TRIOBP: variants seen among roughly 807,000 people sequenced by gnomAD.
TRIOBP encodes TRIO and F-actin-binding protein.
TRIOBP carries 169 observed loss-of-function variants against 238.8 expected under a neutral mutation model. That is an observed-to-expected ratio of 0.71 (90% CI 0.62 to 0.80). TRIOBP has a LOEUF of 0.80. Among genes scored for constraint, TRIOBP ranks in the 30% least tolerant of loss-of-function variants. TRIOBP has a pLI of 0.00. For synonymous variants in TRIOBP, 1,150 were observed against 1,274.4 expected (o/e 0.90, Z 2.08); for missense variants, 2,838 against 3,122.6 (o/e 0.91, Z 2.17).
intron 5 of TRIOBP, among the ~76,000 whole-genome samples, chr22:37,713,941 T>A (rs1923386995): frequency 6.6e-6 from 1 of 152,140 alleles, no homozygotes; most frequent in Admixed American, 6.6e-5. Flanking sequence ...GACAGGCTTG[T>A]CCCAGGAGAC....
chr22:37,757,542 C>T (rs904424726), intron 15 of TRIOBP, 71 bp from the exon 16 acceptor site: 42 of 1,531,800 alleles, frequency 2.7e-5, no homozygotes, highest in Middle Eastern at 3.3e-4. Flanking sequence ...ACACAGGTGT[C>T]GCTCCAAAAG....
Position 37,701,245 on chromosome 22 carries a change from TG to T in TRIOBP, c.-60-57del, listed in dbSNP as rs773947093. ...GTCTGGAAACTGGGGCAACTGGGGC[TG>T]GGGTTCAGGTGAGTGGCCAGCCAGT... is the stretch of plus-strand genomic sequence containing the variant. On this transcript the variant is annotated intron_variant, in intron 2 of 23. Coordinates refer to ENST00000644935, the MANE Select transcript of TRIOBP (RefSeq NM_001039141.3). 5.5e-5 allele frequency: 42 copies of T among 756,790 alleles called. No homozygotes were observed. In the Middle Eastern group the frequency reaches 8.0e-4, roughly 14 times the overall value. 46.9% of individuals were successfully genotyped at this position (756,790 alleles called of 1,614,324 possible). A position where few individuals can be genotyped will look rare whatever the true frequency, so the allele number is the denominator to read the frequency against.
At chr22:37,732,740 G>T (rs760888031) in intron 7 of TRIOBP, among the ~76,000 whole-genome samples, 5 of 152,206 alleles carry the variant, frequency 3.3e-5, no homozygotes, top group Admixed American at 6.5e-5. Context: ...AAGGCAGAAA[G>T]AATGGAACAC....
chr22:37,720,714 T>G (rs555160029), intron 6 of TRIOBP, among the ~76,000 whole-genome samples: 1 of 152,268 alleles, frequency 6.6e-6, no homozygotes, highest in Admixed American at 6.5e-5. Flanking sequence ...GGGCTCACTA[T>G]GTTGCCCAGG....
intron 17 of TRIOBP, among the ~76,000 whole-genome samples, chr22:37,761,154 A>T (rs1053770986): frequency 6.6e-6 from 1 of 151,998 alleles, no homozygotes; most frequent in African/African-American, 2.4e-5. Flanking sequence ...CTGAGCTAAT[A>T]GTTAGAAGCT....
chr22:37,765,891 G>C, intron 18 of TRIOBP, 74 bp downstream of exon 18: 1 of 1,499,018 alleles, frequency 6.7e-7, no homozygotes, highest in Non-Finnish European at 8.9e-7. Context: ...GCCAAACTGG[G>C]GAGGATTTTA....
In TRIOBP at chr22:37,724,882, G is replaced by A; in HGVS notation, c.2326G>A (p.Asp776Asn). 2 of 1,602,408 alleles carry A rather than the reference G, an allele frequency of 1.2e-6. No homozygotes were observed. The highest frequency in any genetic ancestry group is 1.7e-6 in the Non-Finnish European group (2 of 1,177,614). The change falls in exon 7 of 24, where the codon GAC becomes AAC. Residue 776 changes from aspartate (D) to asparagine (N), a missense_variant. This residue lies in a region of TRIOBP where 2,096 missense variants were observed against 2,137.4 expected (regional missense o/e 0.98). Transcript: ENST00000644935. ...CCTCAGAACATCCTGTACCCGACAGGACAATCCCAGGACCTCCTCTCCCAA... is the reference window on the plus strand; with the variant it reads ...CCTCAGAACATCCTGTACCCGACAGAACAATCCCAGGACCTCCTCTCCCAA... Reference protein sequence around the residue: ...ENLRTSCTRQDNPRTSSPNRA... With the variant: ...ENLRTSCTRQNNPRTSSPNRA...
chr22:37,709,086 A>G (rs1308441311), intron 3 of TRIOBP, among the ~76,000 whole-genome samples: 1 of 152,168 alleles, frequency 6.6e-6, no homozygotes, highest in African/African-American at 2.4e-5. Context: ...TCTGATCAGA[A>G]TCTGGCTGCA....
intron 19 of TRIOBP, among the ~76,000 whole-genome samples, chr22:37,768,390 C>T (rs760186849): frequency 2.6e-5 from 4 of 152,208 alleles, no homozygotes; most frequent in Non-Finnish European, 5.9e-5. Context: ...CTTGGCTGGT[C>T]CCAGCCTCCA....
chr22:37,744,112 G>A (rs1925098558), intron 11 of TRIOBP, among the ~76,000 whole-genome samples: 2 of 150,610 alleles, frequency 1.3e-5, no homozygotes, highest in Non-Finnish European at 3.0e-5. Flanking sequence ...AGGTTCCAGC[G>A]ATTCTCCTGC....
chr22:37,769,058 G>A lies in TRIOBP; in HGVS notation c.6606G>A (p.Leu2202=), dbSNP rs775526479. 3 of 1,613,580 alleles carry A rather than the reference G, an allele frequency of 1.9e-6. No individual in the cohort carries two copies. The South Asian group carries it at 3.3e-5, about 18-fold the overall frequency. Reference sequence around the variant, plus strand: ...ATGTGGAGGCACTGAAGCGAGAGCTGCAGGTGCTATCGGAGCAGTACTCGC... The same window carrying A: ...ATGTGGAGGCACTGAAGCGAGAGCTACAGGTGCTATCGGAGCAGTACTCGC... ...QSDVEALKRE[L]QVLSEQYSQK... is the part of the protein sequence containing the mutation. The change falls in exon 20 of 24, where the codon CTG becomes CTA. Residue 2202 remains leucine (L), a synonymous_variant. Coordinates refer to ENST00000644935, the MANE Select transcript of TRIOBP (RefSeq NM_001039141.3).
intron 13 of TRIOBP, 31 bp downstream of exon 13, chr22:37,755,015 G>A (rs190839604): frequency 3.7e-6 from 6 of 1,611,834 alleles, no homozygotes; most frequent in South Asian, 1.1e-5. Flanking sequence ...ATGAACCCCC[G>A]GAAGGGCCTG....
intron 17 of TRIOBP, among the ~76,000 whole-genome samples, chr22:37,764,095 A>T (rs1378685659): frequency 3.9e-5 from 6 of 152,088 alleles, no homozygotes; most frequent in African/African-American, 1.4e-4. Flanking sequence ...GACCCTTGTG[A>T]TTACACTGGG....
chr22:37,766,786 C>A (rs1020727349), intron 18 of TRIOBP, among the ~76,000 whole-genome samples: 1 of 151,688 alleles, frequency 6.6e-6, no homozygotes, highest in Non-Finnish European at 1.5e-5. Flanking sequence ...CATGGTGAAA[C>A]CCCATCTCTA....
In TRIOBP at chr22:37,769,131, G is replaced by A. The variant is rs762490157; in HGVS notation, c.6679G>A (p.Glu2227Lys). The A allele has an allele frequency of 1.3e-5, 21 of 1,612,886 alleles. No homozygotes were observed. In the East Asian group the frequency reaches 1.3e-4, roughly 10 times the overall value. Residue 2227 changes from glutamate (E) to lysine (K), a missense_variant, in exon 20 of 24, where the codon GAG becomes AAG. Physicochemically the swap from Glu to Lys is moderately conservative, Grantham distance 56 (BLOSUM62 1). This residue lies in a region of TRIOBP where 2,096 missense variants were observed against 2,137.4 expected (regional missense o/e 0.98). Coordinates refer to ENST00000644935, the MANE Select transcript of TRIOBP (RefSeq NM_001039141.3). ...ACTCATGCGGCAGGCTGAGGAGCGCGAGCACACGCTGCGCCGCTGCCAGCA... is the reference window on the plus strand; with the variant it reads ...ACTCATGCGGCAGGCTGAGGAGCGCAAGCACACGCTGCGCCGCTGCCAGCA... ...GALMRQAEER[E>K]HTLRRCQQEG...
At chr22:37,738,557 T>A in intron 9 of TRIOBP, 85 bp from the exon 10 acceptor site, 18 of 1,316,942 alleles carry the variant, frequency 1.4e-5, no homozygotes, top group Non-Finnish European at 1.9e-5. Context: ...CATGGACAGA[T>A]GATAGAATGG....
Position 37,697,085 on chromosome 22 carries a change from C to G in TRIOBP, c.-174C>G, listed in dbSNP as rs1213251218. ...GCAGCCCCTGTGCGTGGAAACCCAGCCAAGGTTAGCACTGGGCCTCAGAAA... is the reference window on the plus strand; with the variant it reads ...GCAGCCCCTGTGCGTGGAAACCCAGGCAAGGTTAGCACTGGGCCTCAGAAA... On this transcript the variant is annotated 5_prime_UTR_variant, in exon 1 of 24. Transcript: ENST00000644935. 1 of 152,212 alleles carries G rather than the reference C, an allele frequency of 6.6e-6. No homozygotes were observed. The highest frequency in any genetic ancestry group is 1.5e-5 in the Non-Finnish European group (1 of 68,088). The allele number at this position is 152,212 out of a possible 1,614,324, so 9.4% of individuals were successfully genotyped here. A position where few individuals can be genotyped will look rare whatever the true frequency, so the allele number is the denominator to read the frequency against.
In TRIOBP at chr22:37,734,416, C is replaced by G. The variant is rs776976202; in HGVS notation, c.4080C>G (p.Ala1360=). The change falls in exon 9 of 24, where the codon GCC becomes GCG. Residue 1360 remains alanine (A), a synonymous_variant. Coordinates refer to ENST00000644935, the MANE Select transcript of TRIOBP (RefSeq NM_001039141.3). ...ATCCCCAGGTGACCATGCTCCCTGC[C>G]AAACAGGCAGAACTGACCCGGCGGA... is the stretch of plus-strand genomic sequence containing the variant. ...APSRQVTMLP[A]KQAELTRRSQ... 2 of 1,613,156 alleles carry G rather than the reference C, an allele frequency of 1.2e-6. No homozygotes were observed. The highest frequency in any genetic ancestry group is 1.7e-6 in the Non-Finnish European group (2 of 1,179,912).
At chr22:37,736,044 T>C (rs1171923197) in intron 9 of TRIOBP, among the ~76,000 whole-genome samples, 1 of 152,230 alleles carries the variant, frequency 6.6e-6, no homozygotes, top group African/African-American at 2.4e-5. Context: ...GCATCAATGC[T>C]CACTGGGTTC....
Sources: allele counts gnomAD v4.1 joint callset (sites outside exome capture counted in the v4.1 genomes callset), GRCh38; gene constraint gnomAD v4.1.1; regional missense constraint gnomAD v4.1.1; transcripts MANE v1.5; gene names NCBI Gene and HGNC (gene_info 2026-07-23, HGNC 2026-07-21).